The following LIN7A variants were observed in gnomAD, a reference collection of about 807,000 sequenced individuals.
LIN7A encodes the protein protein lin-7 homolog A.
In LIN7A, 25 loss-of-function variants were observed where a neutral mutation model predicts 29.8. The observed-to-expected ratio is 0.84, with a 90% CI of 0.61 to 1.17. The LOEUF (loss-of-function observed/expected upper bound fraction) is 1.17. LIN7A is among the 50% of genes most tolerant of loss of function. The probability of loss-of-function intolerance (pLI) is 0.00; values close to 1 mark genes in which losing one functional copy is unlikely to be tolerated. For missense variants in LIN7A, 239 were observed against 287.0 expected (o/e 0.83, Z 1.21); for synonymous variants, 118 against 107.5 (o/e 1.10, Z -0.60).
At chr12:80,817,344 G>C (rs1431295911) in intron 4 of LIN7A, among the ~76,000 whole-genome samples, 1 of 151,990 alleles carries the variant, frequency 6.6e-6, no homozygotes, top group African/African-American at 2.4e-5. Flanking sequence ...GCCTGCCCTG[G>C]GAAGCAATCA....
At chr12:80,821,736 G>A (rs1000149763) in intron 4 of LIN7A, among the ~76,000 whole-genome samples, 1 of 152,172 alleles carries the variant, frequency 6.6e-6, no homozygotes, top group Non-Finnish European at 1.5e-5. Context: ...AGGGGCGAGA[G>A]CCCCACCCTC....
intron 2 of LIN7A, among the ~76,000 whole-genome samples, chr12:80,866,350 A>G (rs1416050232): frequency 6.6e-6 from 1 of 152,232 alleles, no homozygotes; most frequent in African/African-American, 2.4e-5. Context: ...GTTCCTTTTG[A>G]AAACTATGAA....
chr12:80,796,713 T>A lies in LIN7A; in HGVS notation c.*1014A>T, dbSNP rs1870465900. The A allele has an allele frequency of 6.6e-6, 1 of 152,114 alleles. No individual in the cohort carries two copies. Among genetic ancestry groups the A allele is most frequent in the South Asian group, 2.1e-4 (1 of 4,836 alleles). 9.4% of individuals were successfully genotyped at this position (152,114 alleles called of 1,614,324 possible). ...AAATATTTGAATATATATGCACATA[T>A]AATTTAGTTTTGCTAAGCTTTAAAA... On this transcript the variant is annotated 3_prime_UTR_variant, in exon 6 of 6. Transcript: ENST00000552864.
At chr12:80,850,369 G>A (rs1479626379) in intron 2 of LIN7A, among the ~76,000 whole-genome samples, 1 of 152,116 alleles carries the variant, frequency 6.6e-6, no homozygotes. Flanking sequence ...TGTTTAGTAT[G>A]TTTCCAAAAG....
chr12:80,876,024 C>T (rs990337579), intron 2 of LIN7A, among the ~76,000 whole-genome samples: 4 of 151,254 alleles, frequency 2.6e-5, no homozygotes, highest in African/African-American at 9.7e-5. Context: ...TACATTTATC[C>T]GTGAGTTCCT....
chr12:80,846,100 T>A (rs1224196443), intron 3 of LIN7A, among the ~76,000 whole-genome samples, 161 bp from the exon 4 acceptor site: 1 of 152,218 alleles, frequency 6.6e-6, no homozygotes, highest in East Asian at 1.9e-4. Context: ...TTCATTTAGA[T>A]GCCATCTAGG....
chr12:80,855,392 A>G (rs1391354635), intron 2 of LIN7A, among the ~76,000 whole-genome samples: 1 of 152,090 alleles, frequency 6.6e-6, no homozygotes, highest in African/African-American at 2.4e-5. Context: ...ACACTTTTTA[A>G]ATGGATTTCT....
chr12:80,823,002 A>AT (rs1264942866), intron 4 of LIN7A, among the ~76,000 whole-genome samples: 5 of 152,258 alleles, frequency 3.3e-5, no homozygotes, highest in African/African-American at 1.2e-4. Context: ...TCTGAAGCCC[A>AT]TACAAACCCC....
chr12:80,922,173 T>C (rs1245910480), intron 1 of LIN7A, among the ~76,000 whole-genome samples: 1 of 152,210 alleles, frequency 6.6e-6, no homozygotes, highest in African/African-American at 2.4e-5. Flanking sequence ...AGGTAGAACA[T>C]CTTTTCCAGA....
At chr12:80,854,065 A>T (rs1592897235) in intron 2 of LIN7A, among the ~76,000 whole-genome samples, 1 of 152,292 alleles carries the variant, frequency 6.6e-6, no homozygotes, top group Middle Eastern at 3.4e-3. Context: ...AAACAGAGTA[A>T]CAGTTTCCTG....
chr12:80,810,393 C>CTGTGTGTGTG (rs71094992), intron 5 of LIN7A, among the ~76,000 whole-genome samples: 19 of 146,916 alleles, frequency 1.3e-4, no homozygotes, highest in African/African-American at 4.3e-4. Context: ...TGGTATACAT[C>CTGTGTGTGTG]TGTGTGTGTG....
intron 2 of LIN7A, among the ~76,000 whole-genome samples, chr12:80,872,531 T>C (rs1874474012): frequency 6.6e-6 from 1 of 152,208 alleles, no homozygotes; most frequent in Non-Finnish European, 1.5e-5. Flanking sequence ...ACATTTATTA[T>C]TGAGAAGTTC....
chr12:80,887,226 A>T (rs1163680), intron 2 of LIN7A, among the ~76,000 whole-genome samples: 1 of 151,964 alleles, frequency 6.6e-6, no homozygotes, highest in Non-Finnish European at 1.5e-5. Flanking sequence ...TTCCCATTTC[A>T]CAGTGCTGCC....
chr12:80,883,720 T>C (rs1195787401), intron 2 of LIN7A, among the ~76,000 whole-genome samples: 1 of 152,230 alleles, frequency 6.6e-6, no homozygotes. Flanking sequence ...CTGGTGGTAT[T>C]AGTCCATTAT....
At chr12:80,801,227 T>G (rs952360439) in intron 5 of LIN7A, among the ~76,000 whole-genome samples, 2 of 152,200 alleles carry the variant, frequency 1.3e-5, no homozygotes, top group Non-Finnish European at 2.9e-5. Flanking sequence ...AAGTGTCACT[T>G]TCATACACAA....
intron 1 of LIN7A, among the ~76,000 whole-genome samples, chr12:80,902,415 T>A (rs1337252622): frequency 2.0e-5 from 3 of 152,066 alleles, no homozygotes; most frequent in African/African-American, 7.2e-5. Flanking sequence ...TCATTAGTAG[T>A]TTGAGACGAA....
intron 4 of LIN7A, 74 bp downstream of exon 4, chr12:80,845,656 A>G: frequency 1.7e-6 from 2 of 1,176,970 alleles, no homozygotes; most frequent in Non-Finnish European, 2.4e-6. Context: ...TTCAACGTTG[A>G]CTTCAGTAAT....
chr12:80,917,892 T>C (rs1406829400), intron 1 of LIN7A, among the ~76,000 whole-genome samples: 1 of 152,220 alleles, frequency 6.6e-6, no homozygotes, highest in Non-Finnish European at 1.5e-5. Context: ...GTGTTTTTAA[T>C]GTTTAATTGT....
At chr12:80,896,134 A>G (rs1469974257) in intron 1 of LIN7A, among the ~76,000 whole-genome samples, 2 of 152,210 alleles carry the variant, frequency 1.3e-5, no homozygotes, top group African/African-American at 4.8e-5. Flanking sequence ...AAAGGTCTGG[A>G]AAATGACCTT....
Sources: gnomAD v4.1 joint callset for allele counts (sites outside exome capture counted in the v4.1 genomes callset) on GRCh38, gnomAD v4.1.1 for gene constraint, MANE v1.5 for transcripts, NCBI Gene and HGNC (gene_info 2026-07-23, HGNC 2026-07-21) for gene names.